The following GAN variants were observed in gnomAD, a reference collection of about 807,000 sequenced individuals.
The protein encoded by GAN is gigaxonin, also known as epididymis secretory sperm binding protein.
A neutral mutation model predicts 71.3 loss-of-function variants in GAN; 48 were observed. The ratio of observed to expected loss-of-function variants is 0.67; its 90% CI spans 0.53 to 0.86. The LOEUF is 0.86. Among genes scored for constraint, GAN ranks in the 40% least tolerant of loss-of-function variants. The pLI, the probability that GAN is intolerant of heterozygous loss-of-function variation, is 0.00. For missense variants in GAN, 928 were observed against 770.1 expected (o/e 1.21, Z -2.43); for synonymous variants, 386 against 276.8 (o/e 1.39, Z -3.92).
intron 7 of GAN, among the ~76,000 whole-genome samples, 153 bp from the exon 8 acceptor site, chr16:81,364,821 G>A (rs901344479): frequency 2.0e-5 from 3 of 152,104 alleles, no homozygotes; most frequent in African/African-American, 4.8e-5. Context: ...TTTAAAGTCC[G>A]GTGTTGTAAT....
intron 1 of GAN, among the ~76,000 whole-genome samples, chr16:81,331,799 C>G (rs1317344856): frequency 4.6e-5 from 7 of 152,258 alleles, no homozygotes; most frequent in African/African-American, 1.7e-4. Context: ...ACATTTTGGG[C>G]CGTACGCCCA....
chr16:81,344,804 A>C lies in GAN; in HGVS notation c.168-6779A>C, dbSNP rs552553486. Among the ~76,000 whole-genome samples, 75 of 152,366 alleles carry C rather than the reference A, an allele frequency of 4.9e-4. 1 individual carries two copies. In the Middle Eastern group the frequency reaches 0.02, roughly 41 times the overall value. On this transcript the variant is annotated intron_variant, in intron 1 of 10. Transcript: ENST00000648994. ...GCACAGCAAAAGAAACTACCCTCAG[A>C]GTGAACGGGCAACCTACAGAATGGG...
At position 81,377,849 on chromosome 16, in the gene GAN, C is replaced by G. The variant is rs1225217479; in HGVS notation, c.*253C>G. The G allele has an allele frequency of 2.6e-5, 14 of 532,062 alleles. No individual in the cohort carries two copies. Among genetic ancestry groups the G allele is most frequent in the Non-Finnish European group, 4.4e-5 (13 of 296,010 alleles). The allele number at this position is 532,062 out of a possible 1,614,324, so 33.0% of individuals were successfully genotyped here. The stretch of plus-strand genomic sequence containing the variant: ...CTGTAGATGTTGGAGGCTAGGGAGG[C>G]TAGTAAATATCAAAAGGAAAAGGGA... On this transcript the variant is annotated 3_prime_UTR_variant, in exon 11 of 11. Transcript: ENST00000648994.
rs772886441 is a variant in GAN, at chr16:81,357,936, C to T, written c.973+5C>T. On this transcript the variant is annotated splice_donor_5th_base_variant and intron_variant, in intron 5 of 10. Transcript: ENST00000648994. ...ACCATGGAGTTCTCTCAGCAGGTAC[C>T]GTTCTGTGGCAAATTTTCCTTAAAC... is the stretch of plus-strand genomic sequence containing the variant. 8 of 1,613,052 alleles carry T rather than the reference C, an allele frequency of 5.0e-6. No individual in the cohort carries two copies. Among genetic ancestry groups the T allele is most frequent in the East Asian group, 2.2e-5 (1 of 44,878 alleles).
At position 81,363,868 on chromosome 16, in the gene GAN, G is replaced by A; in HGVS notation, c.1161G>A (p.Glu387=). ...TGGGAGGAGAGGATGGTGAAAAGGA[G>A]CTGATTTCCATGGAGTGTTACGATA... ...YILGGEDGEK[E]LISMECYDIY... is the part of the protein sequence containing the mutation. Residue 387 remains glutamate, a synonymous_variant, in exon 7 of 11, where the codon GAG becomes GAA. Transcript: ENST00000648994. 1 of 1,611,462 alleles carries A rather than the reference G, an allele frequency of 6.2e-7. No individual in the cohort carries two copies. The highest frequency in any genetic ancestry group is 8.5e-7 in the Non-Finnish European group (1 of 1,177,548).
In GAN at chr16:81,339,294, A is replaced by T. The variant is rs145699872; in HGVS notation, c.168-12289A>T. Among the ~76,000 whole-genome samples the T allele has an allele frequency of 6.2e-3, 948 of 152,308 alleles. 6 individuals carry two copies. Among genetic ancestry groups the T allele is most frequent in the Non-Finnish European group, 0.012 (791 of 68,018 alleles). On this transcript the variant is annotated intron_variant, in intron 1 of 10. Coordinates refer to ENST00000648994, the MANE Select transcript of GAN (RefSeq NM_022041.4). Reference sequence around the variant, plus strand: ...TGAATTGTATGAGCATTAAAGTTTGAGAAGCACTGGGCCTTAATCCTTTCA... The same window carrying T: ...TGAATTGTATGAGCATTAAAGTTTGTGAAGCACTGGGCCTTAATCCTTTCA...
intron 9 of GAN, among the ~76,000 whole-genome samples, chr16:81,366,252 C>G (rs1050905916): frequency 6.6e-6 from 1 of 152,172 alleles, no homozygotes; most frequent in African/African-American, 2.4e-5. Context: ...AGCTCTGTAT[C>G]CTGGCTTCCA....
intron 1 of GAN, among the ~76,000 whole-genome samples, chr16:81,336,171 G>T (rs1567483640): frequency 6.6e-6 from 1 of 152,200 alleles, no homozygotes; most frequent in Non-Finnish European, 1.5e-5. Context: ...CTCACCTGTA[G>T]GCCCCTGGCA....
At chr16:81,354,212 T>G (rs1344713229) in intron 2 of GAN, among the ~76,000 whole-genome samples, 193 bp from the exon 3 acceptor site, 1 of 150,728 alleles carries the variant, frequency 6.6e-6, no homozygotes, top group Non-Finnish European at 1.5e-5. Context: ...AAGCACACAT[T>G]TGCTTATGTT....
At chr16:81,373,707 A>G (rs1012324131) in intron 9 of GAN, among the ~76,000 whole-genome samples, 1 of 152,092 alleles carries the variant, frequency 6.6e-6, no homozygotes, top group Non-Finnish European at 1.5e-5. Context: ...TTGCATTCAG[A>G]TACTGTGTTT....
In GAN at chr16:81,354,569, T is replaced by G. The variant is rs1229585062; in HGVS notation, c.447T>G (p.Val149=). 6.2e-7 allele frequency: 1 copy of G among 1,614,050 alleles called. No individual in the cohort carries two copies. Among genetic ancestry groups the G allele is most frequent in the Non-Finnish European group, 8.5e-7 (1 of 1,180,020 alleles). The stretch of plus-strand genomic sequence containing the variant: ...CACTACATTACTGCCTCCATCACGT[T>G]CATTACCTTGCCACAGAATACCTGG... ...DFALHYCLHH[V]HYLATEYLET... The change falls in exon 3 of 11, where the codon GTT becomes GTG. Residue 149 remains valine, a synonymous_variant. Transcript: ENST00000648994.
In GAN at chr16:81,350,067, G is replaced by C. The variant is rs568572861; in HGVS notation, c.168-1516G>C. ...TGTTCTTCAAATTCTTCATCAGTTT[G>C]TTTAAGAAGTCTTTTTTTTTTAAGT... On this transcript the variant is annotated intron_variant, in intron 1 of 10. Coordinates refer to ENST00000648994, the MANE Select transcript of GAN (RefSeq NM_022041.4). Among the ~76,000 whole-genome samples the C allele has an allele frequency of 1.5e-3, 231 of 151,480 alleles. 1 individual carries two copies. Among genetic ancestry groups the C allele is most frequent in the African/African-American group, 5.4e-3 (222 of 41,236 alleles).
chr16:81,320,317 T>C (rs966746211), intron 1 of GAN, among the ~76,000 whole-genome samples: 9 of 152,346 alleles, frequency 5.9e-5, no homozygotes, highest in African/African-American at 2.2e-4. Flanking sequence ...GTGAGTACTA[T>C]GTGGTGTGTG....
chr16:81,336,708 G>C (rs534872156), intron 1 of GAN, among the ~76,000 whole-genome samples: 1 of 151,836 alleles, frequency 6.6e-6, no homozygotes, highest in South Asian at 2.1e-4. Context: ...AAACTCCTAG[G>C]CTCAAGTGAT....
intron 1 of GAN, among the ~76,000 whole-genome samples, chr16:81,345,495 A>G: frequency 6.6e-6 from 1 of 152,166 alleles, no homozygotes. Context: ...CTGTCACAAG[A>G]TCAGAAAACC....
intron 1 of GAN, among the ~76,000 whole-genome samples, chr16:81,320,341 T>C (rs77431945): frequency 6.6e-6 from 1 of 152,172 alleles, no homozygotes; most frequent in African/African-American, 2.4e-5. Context: ...AGCCTGCTTT[T>C]CATCCCCAGT....
chr16:81,387,830 A>G lies in GAN; in HGVS notation c.*10234A>G, dbSNP rs1220399505. The G allele has an allele frequency of 6.6e-6, 1 of 151,824 alleles. No individual in the cohort carries two copies. The highest frequency in any genetic ancestry group is 1.5e-5 in the Non-Finnish European group (1 of 68,042). The allele number at this position is 151,824 out of a possible 1,614,324, so 9.4% of individuals were successfully genotyped here. The stretch of plus-strand genomic sequence containing the variant: ...GACTCTGTCTCACAAAAAAATAAAA[A>G]ATTAAAAAAAAAGGTCTGCTCAGAA... On this transcript the variant is annotated 3_prime_UTR_variant, in exon 11 of 11. Coordinates refer to ENST00000648994, the MANE Select transcript of GAN (RefSeq NM_022041.4).
chr16:81,377,734 T>C lies in GAN; in HGVS notation c.*138T>C. 1 of 829,404 alleles carries C rather than the reference T, an allele frequency of 1.2e-6. No homozygotes were observed. The highest frequency in any genetic ancestry group is 2.5e-5 in the East Asian group (1 of 40,660). The allele number at this position is 829,404 out of a possible 1,614,324, so 51.4% of individuals were successfully genotyped here. ...TAACTCTTTGGTGGTTTTATGATGC[T>C]TACAAACTTGAGCTTTAGCTCTTGT... On this transcript the variant is annotated 3_prime_UTR_variant, in exon 11 of 11. Coordinates refer to ENST00000648994, the MANE Select transcript of GAN (RefSeq NM_022041.4).
chr16:81,356,956 C>T lies in GAN; in HGVS notation c.805C>T (p.Arg269Trp), dbSNP rs776397915. Residue 269 changes from arginine (R) to tryptophan (W), a missense_variant, in exon 4 of 11, where the codon CGG becomes TGG. Coordinates refer to ENST00000648994, the MANE Select transcript of GAN (RefSeq NM_022041.4). ...GGCGATGCTGGCCAACTTCAAACCC[C>T]GGGGCTACTCTGAGTGCATCGTGAC... ...GEAMLANFKPRGYSECIVTVG... is the reference protein window; with the variant it reads ...GEAMLANFKPWGYSECIVTVG... 12 of 1,613,198 alleles carry T rather than the reference C, an allele frequency of 7.4e-6. No individual in the cohort carries two copies. Among genetic ancestry groups the T allele is most frequent in the East Asian group, 2.2e-5 (1 of 44,898 alleles).
Sources: gnomAD v4.1 joint callset for allele counts (sites outside exome capture counted in the v4.1 genomes callset) on GRCh38, gnomAD v4.1.1 for gene constraint, MANE v1.5 for transcripts, NCBI Gene and HGNC (gene_info 2026-07-23, HGNC 2026-07-21) for gene names.